Variants in ESRRG observed in about 807,000 individuals in gnomAD.
ESRRG encodes estrogen-related receptor gamma.
In ESRRG, 13 loss-of-function variants were observed where a neutral mutation model predicts 44.0. The observed-to-expected ratio is 0.30, with a 90% confidence interval of 0.19 to 0.47. ESRRG has a LOEUF of 0.47. Ranked by LOEUF, ESRRG falls within the 20% of genes least tolerant of loss-of-function variation. The pLI is 1.00. For missense variants in ESRRG, 395 were observed against 580.6 expected (o/e 0.68, Z 3.29); for synonymous variants, 215 against 214.6 (o/e 1.00, Z -0.02).
chr1:216,821,209 G>C (rs754296787), intron 2 of ESRRG, among the ~76,000 whole-genome samples: 3 of 152,252 alleles, frequency 2.0e-5, no homozygotes, highest in Middle Eastern at 3.4e-3. Flanking sequence ...CAGGACAAAT[G>C]TGTCCATTTA....
chr1:217,038,920 G>A (rs544520262), intron 1 of ESRRG, among the ~76,000 whole-genome samples: 21 of 152,278 alleles, frequency 1.4e-4, no homozygotes, highest in Non-Finnish European at 2.9e-4. Flanking sequence ...CAGCAAGTAA[G>A]TCACCTCTTG....
At chr1:216,967,251 C>T (rs925886473) in intron 1 of ESRRG, among the ~76,000 whole-genome samples, 5 of 151,994 alleles carry the variant, frequency 3.3e-5, no homozygotes, top group Admixed American at 1.3e-4. Flanking sequence ...GCATTTCCAC[C>T]CAAAGCCCAG....
intron 2 of ESRRG, among the ~76,000 whole-genome samples, chr1:216,913,982 A>G (rs1272546161): frequency 1.3e-5 from 2 of 152,198 alleles, no homozygotes; most frequent in African/African-American, 4.8e-5. Context: ...AGCAAACTAC[A>G]TTATTATTTT....
intron 2 of ESRRG, among the ~76,000 whole-genome samples, chr1:216,938,367 C>T (rs377407089): frequency 3.3e-5 from 5 of 152,136 alleles, no homozygotes; most frequent in Admixed American, 1.3e-4. Flanking sequence ...ACCGATGCTA[C>T]GCAAAACAAC....
intron 5 of ESRRG, among the ~76,000 whole-genome samples, chr1:216,549,130 C>A (rs1307213409): frequency 6.6e-6 from 1 of 152,010 alleles, no homozygotes; most frequent in Non-Finnish European, 1.5e-5. Flanking sequence ...TAAATATGTT[C>A]TTCACATGCT....
intron 1 of ESRRG, among the ~76,000 whole-genome samples, chr1:217,013,933 A>G (rs972347055): frequency 6.6e-6 from 1 of 152,204 alleles, no homozygotes; most frequent in African/African-American, 2.4e-5. Context: ...TATTAAAGCA[A>G]GAGGAACAAG....
intron 1 of ESRRG, among the ~76,000 whole-genome samples, chr1:217,132,904 C>G (rs116253892): frequency 6.6e-6 from 1 of 152,186 alleles, no homozygotes; most frequent in South Asian, 2.1e-4. Flanking sequence ...GATTTGGAAA[C>G]AAATGGGCCT....
chr1:216,871,809 A>T (rs1577467334), intron 2 of ESRRG, among the ~76,000 whole-genome samples: 1 of 152,186 alleles, frequency 6.6e-6, no homozygotes, highest in Admixed American at 6.5e-5. Context: ...ATTCAATGTT[A>T]AATGTTTTGC....
At chr1:216,746,968 T>C (rs943540922) in intron 2 of ESRRG, among the ~76,000 whole-genome samples, 2 of 152,194 alleles carry the variant, frequency 1.3e-5, no homozygotes, top group Non-Finnish European at 2.9e-5. Flanking sequence ...CTTAGATTAT[T>C]ATCAGTAATT....
intron 1 of ESRRG, among the ~76,000 whole-genome samples, chr1:216,945,181 G>A (rs971464987): frequency 6.6e-6 from 1 of 152,048 alleles, no homozygotes. Flanking sequence ...AACCAAGGAG[G>A]CAAAGAAACA....
chr1:216,995,947 G>A (rs2076319160), intron 1 of ESRRG, among the ~76,000 whole-genome samples: 1 of 152,082 alleles, frequency 6.6e-6, no homozygotes, highest in Admixed American at 6.5e-5. Context: ...TGAAGAGTGA[G>A]CTGTAATCTC....
intron 2 of ESRRG, among the ~76,000 whole-genome samples, chr1:216,928,829 T>C (rs1429238140): frequency 6.6e-6 from 1 of 152,222 alleles, no homozygotes; most frequent in African/African-American, 2.4e-5. Flanking sequence ...TTGAAGACAC[T>C]ACTCTGAGTG....
intron 2 of ESRRG, among the ~76,000 whole-genome samples, chr1:216,791,958 C>T (rs2094333509): frequency 6.6e-6 from 1 of 152,078 alleles, no homozygotes; most frequent in Non-Finnish European, 1.5e-5. Context: ...CAATTAGTCC[C>T]ATTGCCATCA....
Position 216,901,835 on chromosome 1 carries a change from T to C in ESRRG, c.-14+37747A>G, listed in dbSNP as rs550877962. Among the ~76,000 whole-genome samples the C allele has an allele frequency of 3.9e-5, 6 of 152,094 alleles. No homozygotes were observed. In the East Asian group the frequency reaches 1.2e-3, roughly 29 times the overall value. The stretch of plus-strand genomic sequence containing the variant: ...AGTACAGTGGCATGATCATAGCTCA[T>C]TGTAGTCTCCTGGCTCAAGTGATCC... On this transcript the variant is annotated intron_variant, in intron 2 of 7. Transcript: ENST00000359162.
intron 2 of ESRRG, among the ~76,000 whole-genome samples, chr1:216,834,199 G>A (rs1454241830): frequency 6.6e-6 from 1 of 152,124 alleles, no homozygotes. Context: ...CTAGGAGTTT[G>A]AAACCAGCCT....
chr1:216,590,882 A>G (rs1466624973), intron 3 of ESRRG, among the ~76,000 whole-genome samples: 8 of 152,212 alleles, frequency 5.3e-5, no homozygotes, highest in African/African-American at 1.9e-4. Flanking sequence ...CTTTGTTGGT[A>G]CATGACTTTC....
chr1:217,078,943 C>T (rs1399096672), intron 1 of ESRRG, among the ~76,000 whole-genome samples: 2 of 152,116 alleles, frequency 1.3e-5, no homozygotes, highest in African/African-American at 4.8e-5. Context: ...GGCTGCAAAA[C>T]TTCACTCCAA....
At chr1:217,126,136 G>A (rs577060331) in intron 1 of ESRRG, among the ~76,000 whole-genome samples, 79 of 152,126 alleles carry the variant, frequency 5.2e-4, no homozygotes, top group East Asian at 1.7e-3. Flanking sequence ...CTAGTTGTGC[G>A]GTCATGGGCA....
chr1:216,926,913 C>T, intron 2 of ESRRG, among the ~76,000 whole-genome samples: 1 of 152,164 alleles, frequency 6.6e-6, no homozygotes, highest in East Asian at 1.9e-4. Context: ...TAAGCGAGCT[C>T]TCCCTGCACG....
Sources: allele counts gnomAD v4.1 joint callset (sites outside exome capture counted in the v4.1 genomes callset), GRCh38; gene constraint gnomAD v4.1.1; transcripts MANE v1.5; gene names NCBI Gene and HGNC (gene_info 2026-07-23, HGNC 2026-07-21).